CTNNA3: variants seen among roughly 807,000 people sequenced by gnomAD.
CTNNA3 encodes catenin alpha 3, also known as catenin alpha-3.
Under a neutral mutation model 95.7 loss-of-function variants are expected in CTNNA3, and 76 were observed. The ratio of observed to expected loss-of-function variants is 0.79; its 90% CI spans 0.66 to 0.96. CTNNA3 has a LOEUF of 0.96. Ranked by LOEUF, CTNNA3 falls within the 40% of genes least tolerant of loss-of-function variation. The pLI, the probability that CTNNA3 is intolerant of heterozygous loss-of-function variation, is 0.00. For synonymous variants in CTNNA3, 431 were observed against 374.4 expected, an observed-to-expected ratio of 1.15 and a Z score of -1.74; for missense variants, 1,191 against 1,089.8, an observed-to-expected ratio of 1.09 and a Z score of -1.31.
At chr10:67,167,634 G>T (rs994887479) in intron 7 of CTNNA3, among the ~76,000 whole-genome samples, 1 of 152,174 alleles carries the variant, frequency 6.6e-6, no homozygotes, top group Non-Finnish European at 1.5e-5. Flanking sequence ...AAATATTGTT[G>T]TAGCTATCAT....
chr10:66,926,304 A>C, intron 7 of CTNNA3: 1 of 418,642 alleles, frequency 2.4e-6, no homozygotes, highest in Non-Finnish European at 4.5e-6. Flanking sequence ...AAAAAACTGT[A>C]AAGATGCAAA....
intron 13 of CTNNA3, among the ~76,000 whole-genome samples, chr10:66,257,414 G>A (rs2090831314): frequency 6.6e-6 from 1 of 152,104 alleles, no homozygotes; most frequent in Non-Finnish European, 1.5e-5. Context: ...ATTCCTTTTA[G>A]TCGTGCCAAG....
chr10:66,128,537 A>G (rs2082933254), intron 13 of CTNNA3, among the ~76,000 whole-genome samples: 1 of 152,220 alleles, frequency 6.6e-6, no homozygotes, highest in Non-Finnish European at 1.5e-5. Context: ...AAGTGAAAAA[A>G]AAAGCCAGTC....
intron 11 of CTNNA3, among the ~76,000 whole-genome samples, chr10:66,428,747 T>G (rs561139511): frequency 6.6e-6 from 1 of 151,854 alleles, no homozygotes; most frequent in South Asian, 2.1e-4. Context: ...GGGACACATT[T>G]AAAGCAGTGT....
intron 1 of CTNNA3, among the ~76,000 whole-genome samples, chr10:67,736,949 C>T (rs1056862805): frequency 2.0e-5 from 3 of 151,962 alleles, no homozygotes; most frequent in African/African-American, 7.2e-5. Context: ...GAAATCATAT[C>T]AAGTACCTTT....
intron 7 of CTNNA3, among the ~76,000 whole-genome samples, chr10:67,091,964 A>G (rs1341994549): frequency 6.6e-6 from 1 of 152,062 alleles, no homozygotes; most frequent in Admixed American, 6.6e-5. Context: ...TTCTTATTTT[A>G]TATGTTAGTA....
intron 13 of CTNNA3, among the ~76,000 whole-genome samples, chr10:66,192,154 T>A (rs545024988): frequency 1.3e-5 from 2 of 152,242 alleles, no homozygotes; most frequent in Admixed American, 6.5e-5. Flanking sequence ...CCAAGATAGA[T>A]CTGAACAGTA....
intron 13 of CTNNA3, among the ~76,000 whole-genome samples, chr10:66,149,349 C>A (rs1488616024): frequency 1.3e-5 from 2 of 150,400 alleles, no homozygotes; most frequent in Non-Finnish European, 3.0e-5. Flanking sequence ...TATATAATTG[C>A]ACATTTAGAT....
At chr10:67,255,035 A>G (rs142754880) in intron 5 of CTNNA3, among the ~76,000 whole-genome samples, 2,425 of 152,176 alleles carry the variant, frequency 0.016, 65 homozygotes, top group African/African-American at 0.053. Context: ...GTGGCTCACG[A>G]CTGTAATCCC....
At chr10:66,737,676 T>C in intron 9 of CTNNA3, among the ~76,000 whole-genome samples, 1 of 152,074 alleles carries the variant, frequency 6.6e-6, no homozygotes. Context: ...TTTTTTTTTT[T>C]TTGAGATGGA....
intron 17 of CTNNA3, among the ~76,000 whole-genome samples, chr10:65,953,545 C>T (rs534216360): frequency 6.6e-6 from 1 of 152,144 alleles, no homozygotes; most frequent in Admixed American, 6.5e-5. Context: ...CTCCACCCAC[C>T]CCATGACAGG....
intron 9 of CTNNA3, among the ~76,000 whole-genome samples, chr10:66,622,410 A>G (rs1844781922): frequency 6.6e-6 from 1 of 152,084 alleles, no homozygotes; most frequent in African/African-American, 2.4e-5. Flanking sequence ...TGAAATTTAC[A>G]TTTTCTTCCA....
chr10:66,722,149 C>T (rs529375303), intron 9 of CTNNA3, among the ~76,000 whole-genome samples: 5 of 152,038 alleles, frequency 3.3e-5, no homozygotes, highest in Non-Finnish European at 5.9e-5. Context: ...GAGGCTGAGG[C>T]GGGTGGATCA....
At chr10:67,510,444 A>T (rs953998079) in intron 5 of CTNNA3, among the ~76,000 whole-genome samples, 6 of 151,352 alleles carry the variant, frequency 4.0e-5, no homozygotes, top group African/African-American at 1.2e-4. Context: ...CTAAATAGGG[A>T]ATCCTTTCTT....
chr10:67,458,931 G>T (rs1302793365), intron 5 of CTNNA3, among the ~76,000 whole-genome samples: 3 of 152,126 alleles, frequency 2.0e-5, no homozygotes, highest in Admixed American at 2.0e-4. Flanking sequence ...TTTCTCATGT[G>T]ACTTTCTCAA....
chr10:67,350,910 G>GTGTA lies in CTNNA3; in HGVS notation c.580-131041_580-131040insTACA, dbSNP rs146861544. ...AAATCTGTATGTGAAAAAAGTATGTGTATATATATATATATATATATGCAT... is the reference window on the plus strand; with the variant it reads ...AAATCTGTATGTGAAAAAAGTATGTGTGTATATATATATATATATATATATGCAT... On this transcript the variant is annotated intron_variant, in intron 5 of 17. Transcript: ENST00000433211. Among the ~76,000 whole-genome samples the GTGTA allele has an allele frequency of 9.9e-3, 1,410 of 141,804 alleles. 11 individuals are homozygous for GTGTA. The highest frequency in any genetic ancestry group is 0.025 in the African/African-American group (954 of 38,696). 93.0% of individuals were successfully genotyped at this position (141,804 alleles called of 152,430 possible). A position where few individuals can be genotyped will look rare whatever the true frequency, so the allele number is the denominator to read the frequency against.
At chr10:66,181,065 A>T (rs897478324) in intron 13 of CTNNA3, among the ~76,000 whole-genome samples, 9 of 152,120 alleles carry the variant, frequency 5.9e-5, no homozygotes, top group Non-Finnish European at 1.2e-4. Context: ...ATATTCAGGG[A>T]TCACTTAGAG....
intron 12 of CTNNA3, among the ~76,000 whole-genome samples, chr10:66,327,889 T>A (rs2132307790): frequency 6.6e-6 from 1 of 152,200 alleles, no homozygotes; most frequent in African/African-American, 2.4e-5. Context: ...ACTAAGATGT[T>A]ATCTCTGCTT....
chr10:67,240,439 A>G (rs1865673853), intron 5 of CTNNA3, among the ~76,000 whole-genome samples: 1 of 152,208 alleles, frequency 6.6e-6, no homozygotes, highest in African/African-American at 2.4e-5. Flanking sequence ...AGGATATAAG[A>G]TGGTGAAACA....
Sources: gnomAD v4.1 joint callset for allele counts (sites outside exome capture counted in the v4.1 genomes callset) on GRCh38, gnomAD v4.1.1 for gene constraint, MANE v1.5 for transcripts, NCBI Gene and HGNC (gene_info 2026-07-23, HGNC 2026-07-21) for gene names.